ADAM18: variants seen among roughly 807,000 people sequenced by gnomAD.
The protein encoded by ADAM18 is ADAM metallopeptidase domain 18, also known as disintegrin and metalloproteinase domain-containing protein 18.
ADAM18 carries 117 observed loss-of-function variants against 94.4 expected under a neutral mutation model. That is an observed-to-expected ratio of 1.24 (90% CI 1.07 to 1.45). The LOEUF (loss-of-function observed/expected upper bound fraction) is 1.45, where lower values mean the gene tolerates loss of function less well. ADAM18 is among the 40% of genes most tolerant of loss of function. The pLI, the probability that ADAM18 is intolerant of heterozygous loss-of-function variation, is 0.00. For synonymous variants in ADAM18, 327 were observed against 291.6 expected (o/e 1.12, Z -1.24); for missense variants, 936 against 880.0 (o/e 1.06, Z -0.81).
intron 6 of ADAM18, among the ~76,000 whole-genome samples, chr8:39,612,738 A>G (rs151086482): frequency 6.6e-6 from 1 of 152,138 alleles, no homozygotes; most frequent in African/African-American, 2.4e-5. Context: ...CCTTGGCTAC[A>G]TTCATTTGCA....
rs149392398 is a variant in ADAM18, at chr8:39,707,460, C to G, written c.2017+556C>G. ...ACACATGTTCTGTTCATGTCTTCTA[C>G]TTACAAATTTAACGTCTTTTCTGTC... is the stretch of plus-strand genomic sequence containing the variant. On this transcript the variant is annotated intron_variant, in intron 18 of 19. Coordinates refer to ENST00000265707, the MANE Select transcript of ADAM18 (RefSeq NM_014237.3). Among the ~76,000 whole-genome samples the G allele has an allele frequency of 3.0e-3, 455 of 152,308 alleles. 2 individuals are homozygous for G. Among genetic ancestry groups the G allele is most frequent in the African/African-American group, 0.011 (441 of 41,576 alleles).
At chr8:39,689,537 T>C (rs1195275356) in intron 16 of ADAM18, among the ~76,000 whole-genome samples, 2 of 152,242 alleles carry the variant, frequency 1.3e-5, no homozygotes, top group African/African-American at 2.4e-5. Flanking sequence ...TTCTCTGTTC[T>C]GTTCCTTTGG....
rs149079002 is a variant in ADAM18, at chr8:39,668,113, G to A, written c.1442G>A (p.Arg481His). The part of the protein sequence containing the change: ...CVPDTYALNG[R>H]LCKLGTAYCY... ...CCTGACACTTATGCATTGAATGGCC[G>A]TTTGTGCAAGTTGGGAACTGCCTAT... Residue 481 changes from arginine to histidine, a missense_variant, in exon 14 of 20, where the codon CGT becomes CAT. By Grantham distance (29) the Arg-to-His change is conservative. Coordinates refer to ENST00000265707, the MANE Select transcript of ADAM18 (RefSeq NM_014237.3). 2.6e-4 allele frequency: 419 copies of A among 1,614,068 alleles called. No individual in the cohort carries two copies. Among genetic ancestry groups the A allele is most frequent in the African/African-American group, 2.4e-3 (179 of 75,020 alleles).
At chr8:39,642,342 GT>G (rs1820259754) in intron 10 of ADAM18, among the ~76,000 whole-genome samples, 1 of 152,066 alleles carries the variant, frequency 6.6e-6, no homozygotes. Context: ...CCCTGCCTAT[GT>G]CCTGAATGGT....
chr8:39,714,145 A>C (rs1822502415), intron 18 of ADAM18, among the ~76,000 whole-genome samples: 1 of 152,164 alleles, frequency 6.6e-6, no homozygotes. Context: ...TTGCCGGGAC[A>C]TGGATGAAGC....
chr8:39,615,340 AC>A (rs544643908), intron 6 of ADAM18, among the ~76,000 whole-genome samples: 1 of 152,114 alleles, frequency 6.6e-6, no homozygotes, highest in Non-Finnish European at 1.5e-5. Context: ...TCAGCAACTT[AC>A]TCCTGAATGA....
intron 12 of ADAM18, among the ~76,000 whole-genome samples, chr8:39,662,903 G>A (rs146806136): frequency 0.019 from 2,825 of 152,280 alleles, 82 homozygotes; most frequent in African/African-American, 0.064. Context: ...GGGATTACAG[G>A]CGTGAGCCAC....
intron 11 of ADAM18, among the ~76,000 whole-genome samples, chr8:39,645,690 A>G (rs1052629875): frequency 6.6e-6 from 1 of 152,200 alleles, no homozygotes; most frequent in African/African-American, 2.4e-5. Flanking sequence ...CATCACTGAC[A>G]TCGCATTCAT....
chr8:39,698,633 T>C (rs1429928503), intron 17 of ADAM18, among the ~76,000 whole-genome samples: 2 of 152,036 alleles, frequency 1.3e-5, no homozygotes, highest in East Asian at 3.9e-4. Flanking sequence ...TACCTTTCTA[T>C]TTCCTTACAA....
chr8:39,620,592 ATATATAT>A (rs1285572823), intron 6 of ADAM18, among the ~76,000 whole-genome samples: 3 of 147,072 alleles, frequency 2.0e-5, no homozygotes, highest in African/African-American at 7.4e-5. Flanking sequence ...AATATATAAT[ATATATAT>A]TATATAACAA....
Position 39,662,990 on chromosome 8 carries a change from G to T in ADAM18, c.1231-805G>T, listed in dbSNP as rs114502066. Among the ~76,000 whole-genome samples the T allele has an allele frequency of 6.0e-3, 911 of 151,912 alleles. 5 individuals carry two copies. Among genetic ancestry groups the T allele is most frequent in the African/African-American group, 0.021 (868 of 41,456 alleles). ...ATAATAGGTATAGTCTTTTTTTGTT[G>T]ATTTCTATTATAGTAAAACATGGTA... On this transcript the variant is annotated intron_variant, in intron 12 of 19. Transcript: ENST00000265707.
At chr8:39,606,618 G>A (rs1443120920) in intron 3 of ADAM18, among the ~76,000 whole-genome samples, 1 of 152,014 alleles carries the variant, frequency 6.6e-6, no homozygotes, top group Non-Finnish European at 1.5e-5. Context: ...TTGCATATAA[G>A]CCGTTGAACC....
intron 18 of ADAM18, among the ~76,000 whole-genome samples, chr8:39,723,185 GTAA>G (rs1463414679): frequency 2.0e-5 from 3 of 151,022 alleles, no homozygotes; most frequent in Non-Finnish European, 4.4e-5. Flanking sequence ...AAAAACAAAG[GTAA>G]TAATATGCTT....
chr8:39,711,959 G>A (rs60632019), intron 18 of ADAM18, among the ~76,000 whole-genome samples: 193 of 149,832 alleles, frequency 1.3e-3, no homozygotes, highest in African/African-American at 4.3e-3. Context: ...GAACACTGGC[G>A]CAAGCACTAA....
chr8:39,644,182 C>T (rs1028356736), intron 10 of ADAM18, among the ~76,000 whole-genome samples: 1 of 151,770 alleles, frequency 6.6e-6, no homozygotes, highest in Non-Finnish European at 1.5e-5. Context: ...GATTAAAGAG[C>T]TAAGAAATAT....
chr8:39,689,246 A>G, intron 16 of ADAM18, among the ~76,000 whole-genome samples: 1 of 152,132 alleles, frequency 6.6e-6, no homozygotes, highest in East Asian at 1.9e-4. Context: ...TTTTGTTGCA[A>G]TTGCTTTTGG....
chr8:39,647,625 A>C (rs964262185), intron 11 of ADAM18, among the ~76,000 whole-genome samples: 1 of 152,192 alleles, frequency 6.6e-6, no homozygotes, highest in African/African-American at 2.4e-5. Flanking sequence ...ATTTCAGACT[A>C]TCACATGGGG....
At chr8:39,675,983 CA>C (rs979921911) in intron 14 of ADAM18, among the ~76,000 whole-genome samples, 1 of 152,192 alleles carries the variant, frequency 6.6e-6, no homozygotes, top group African/African-American at 2.4e-5. Flanking sequence ...TATTGCAGAA[CA>C]GCAAATATTG....
chr8:39,676,272 T>TC (rs1429947526), intron 14 of ADAM18, among the ~76,000 whole-genome samples: 7 of 152,288 alleles, frequency 4.6e-5, no homozygotes, highest in Admixed American at 2.6e-4. Context: ...CTAGAGGCAG[T>TC]AGGCTTTGTT....
Sources: allele counts gnomAD v4.1 joint callset (sites outside exome capture counted in the v4.1 genomes callset), GRCh38; gene constraint gnomAD v4.1.1; transcripts MANE v1.5; gene names NCBI Gene and HGNC (gene_info 2026-07-23, HGNC 2026-07-21).